The following CSRNP3 variants were observed in gnomAD, a reference collection of about 807,000 sequenced individuals.
CSRNP3 encodes cysteine and serine rich nuclear protein 3, also known as cysteine/serine-rich nuclear protein 3.
A neutral mutation model predicts 48.0 loss-of-function variants in CSRNP3; 12 were observed. The ratio of observed to expected loss-of-function variants is 0.25; its 90% CI spans 0.16 to 0.41. CSRNP3 has a LOEUF of 0.41. CSRNP3 is among the 10% of genes least tolerant of loss of function. The probability of loss-of-function intolerance (pLI) is 1.00; values close to 1 mark genes in which losing one functional copy is unlikely to be tolerated. For synonymous variants in CSRNP3, 263 were observed against 269.7 expected (o/e 0.98, Z 0.24); for missense variants, 580 against 724.4 (o/e 0.80, Z 2.29).
intron 4 of CSRNP3, among the ~76,000 whole-genome samples, chr2:165,656,406 G>A (rs1016868781): frequency 8.6e-5 from 13 of 151,896 alleles, no homozygotes; most frequent in Non-Finnish European, 1.9e-4. Flanking sequence ...AATAATAAAG[G>A]CTCCCATCAT....
intron 4 of CSRNP3, among the ~76,000 whole-genome samples, chr2:165,626,924 A>G (rs1173328687): frequency 6.6e-6 from 1 of 152,154 alleles, no homozygotes; most frequent in African/African-American, 2.4e-5. Flanking sequence ...TCTGTAGTTG[A>G]ACCTCCTTCA....
At chr2:165,633,797 C>G (rs190375960) in intron 4 of CSRNP3, among the ~76,000 whole-genome samples, 1 of 152,266 alleles carries the variant, frequency 6.6e-6, no homozygotes, top group East Asian at 1.9e-4. Context: ...TAGACAGAAG[C>G]TCCTCTGCAA....
chr2:165,484,449 T>C (rs549635523), intron 1 of CSRNP3, among the ~76,000 whole-genome samples: 119 of 152,298 alleles, frequency 7.8e-4, no homozygotes, highest in Non-Finnish European at 1.4e-3. Context: ...GGGAGTAGAA[T>C]TGAGAAACTT....
intron 4 of CSRNP3, among the ~76,000 whole-genome samples, chr2:165,642,103 AAC>A (rs58624766): frequency 0.22 from 29,304 of 131,792 alleles, 2,714 homozygotes; most frequent in East Asian, 0.26. Context: ...CACACACACA[AAC>A]ACACACACAC....
intron 4 of CSRNP3, among the ~76,000 whole-genome samples, chr2:165,634,411 G>T (rs1402043021): frequency 6.6e-6 from 1 of 152,154 alleles, no homozygotes; most frequent in Admixed American, 6.5e-5. Flanking sequence ...TTGAGCACCT[G>T]TTCTGTCTGC....
intron 5 of CSRNP3, among the ~76,000 whole-genome samples, chr2:165,674,663 T>C (rs1254520777): frequency 7.3e-6 from 1 of 136,630 alleles, no homozygotes; most frequent in Admixed American, 7.8e-5. Flanking sequence ...AGTATTCATA[T>C]ATATATAAAT....
intron 4 of CSRNP3, among the ~76,000 whole-genome samples, chr2:165,642,603 C>A (rs184070960): frequency 3.7e-4 from 54 of 147,688 alleles, no homozygotes; most frequent in African/African-American, 1.3e-3. Context: ...CTCTTTGTTG[C>A]CCAGGCTGGA....
At chr2:165,487,697 G>A (rs1007400601) in intron 1 of CSRNP3, among the ~76,000 whole-genome samples, 2 of 146,900 alleles carry the variant, frequency 1.4e-5, no homozygotes, top group African/African-American at 5.1e-5. Context: ...GCCAAGCTAA[G>A]CTTCATAAGT....
chr2:165,485,415 T>C (rs1395439189), intron 1 of CSRNP3, among the ~76,000 whole-genome samples: 1 of 152,192 alleles, frequency 6.6e-6, no homozygotes, highest in Non-Finnish European at 1.5e-5. Context: ...ACAACAACAT[T>C]TTAAAAAATC....
At chr2:165,574,247 G>C in intron 3 of CSRNP3, 1 of 716,486 alleles carries the variant, frequency 1.4e-6, no homozygotes, top group East Asian at 2.9e-5. Flanking sequence ...CTGCAGAAGC[G>C]AGAGGAGGGG....
At chr2:165,676,271 T>C in intron 5 of CSRNP3, 41 bp from the exon 6 acceptor site, 1 of 1,530,734 alleles carries the variant, frequency 6.5e-7, no homozygotes, top group Non-Finnish European at 9.0e-7. Flanking sequence ...TTTTGTACCC[T>C]GCCCTTAATG....
chr2:165,539,116 G>A (rs2105250574), intron 3 of CSRNP3, among the ~76,000 whole-genome samples: 1 of 151,998 alleles, frequency 6.6e-6, no homozygotes, highest in South Asian at 2.1e-4. Flanking sequence ...GCAACCCTTT[G>A]CATTCAACCT....
At chr2:165,534,135 T>C (rs1684851932) in intron 3 of CSRNP3, among the ~76,000 whole-genome samples, 1 of 152,204 alleles carries the variant, frequency 6.6e-6, no homozygotes. Context: ...GGAAATTCTG[T>C]GCTTTATAAA....
At chr2:165,539,664 G>A (rs926632152) in intron 3 of CSRNP3, among the ~76,000 whole-genome samples, 1 of 151,860 alleles carries the variant, frequency 6.6e-6, no homozygotes, top group Non-Finnish European at 1.5e-5. Flanking sequence ...CTCTTTCTGC[G>A]ACCTTTTTAT....
chr2:165,515,133 C>T (rs1684559284), intron 2 of CSRNP3, among the ~76,000 whole-genome samples: 1 of 148,136 alleles, frequency 6.8e-6, no homozygotes, highest in South Asian at 2.2e-4. Flanking sequence ...GCCTGGCCAA[C>T]ATGGTGAAAC....
intron 4 of CSRNP3, among the ~76,000 whole-genome samples, chr2:165,599,313 G>GAAAGAAAGAAAGAAAGAAAGAAAGGA (rs1685868277): frequency 7.1e-6 from 1 of 141,550 alleles, no homozygotes; most frequent in East Asian, 2.2e-4. Context: ...AAGAAAGAAA[G>GAAAGAAAGAAAGAAAGAAAGAAAGGA]AAAGAAAGAA....
chr2:165,643,187 A>G (rs932970161), intron 4 of CSRNP3, among the ~76,000 whole-genome samples: 9 of 152,220 alleles, frequency 5.9e-5, no homozygotes, highest in African/African-American at 2.2e-4. Context: ...ATGAAAAAAT[A>G]AACCAAAACG....
chr2:165,490,223 T>C (rs1684184234), intron 1 of CSRNP3, among the ~76,000 whole-genome samples: 1 of 150,864 alleles, frequency 6.6e-6, no homozygotes, highest in African/African-American at 2.5e-5. Context: ...ATAAAAAACC[T>C]AGGAATCCAA....
At chr2:165,493,864 T>C (rs1035741264) in intron 1 of CSRNP3, among the ~76,000 whole-genome samples, 5 of 152,170 alleles carry the variant, frequency 3.3e-5, no homozygotes, top group Non-Finnish European at 5.9e-5. Context: ...ACTATGGTTC[T>C]ATTACATATG....
Sources: allele counts gnomAD v4.1 joint callset (sites outside exome capture counted in the v4.1 genomes callset), GRCh38; gene constraint gnomAD v4.1.1; transcripts MANE v1.5; gene names NCBI Gene and HGNC (gene_info 2026-07-23, HGNC 2026-07-21).